The following NUP210 variants were observed in gnomAD, a reference collection of about 807,000 sequenced individuals.
NUP210 encodes nuclear pore membrane glycoprotein 210.
A neutral mutation model predicts 196.0 loss-of-function variants in NUP210; 151 were observed. That is an observed-to-expected ratio of 0.77 (90% CI 0.67 to 0.88). NUP210 has a LOEUF of 0.88. Ranked by LOEUF, NUP210 falls within the 40% of genes least tolerant of loss-of-function variation. NUP210 has a pLI of 0.00. For missense variants in NUP210, 2,314 were observed against 2,493.7 expected, an observed-to-expected ratio of 0.93 and a Z score of 1.53; for synonymous variants, 1,070 against 1,052.7, an observed-to-expected ratio of 1.02 and a Z score of -0.32.
chr3:13,374,888 T>C (rs1698846820), intron 11 of NUP210, among the ~76,000 whole-genome samples: 1 of 152,232 alleles, frequency 6.6e-6, no homozygotes, highest in South Asian at 2.1e-4. Context: ...GCAGGACTGA[T>C]GTGCCCTGCA....
rs1451652778 is a variant in NUP210 at position 13,336,784 on chromosome 3, T to G, written c.3684+3A>C. ...GTGAGCTCTGGAGGGGGTGGTTACC[T>G]ACCTCGTGGTGCCGCCCTCGGAGGT... On this transcript the variant is annotated splice_donor_region_variant and intron_variant, in intron 27 of 39. Coordinates refer to ENST00000254508, the MANE Select transcript of NUP210 (RefSeq NM_024923.4). 1 of 1,612,438 alleles carries G rather than the reference T, an allele frequency of 6.2e-7. No individual in the cohort carries two copies. Among genetic ancestry groups the G allele is most frequent in the East Asian group, 2.2e-5 (1 of 44,806 alleles).
chr3:13,360,217 A>AT (rs1256558364), intron 15 of NUP210, 53 bp downstream of exon 15: 2 of 1,466,352 alleles, frequency 1.4e-6, no homozygotes, highest in African/African-American at 2.8e-5. Context: ...TGAGAGAGTC[A>AT]TTTTCCACCC....
Position 13,336,815 on chromosome 3 carries a change from A to G in NUP210, c.3656T>C (p.Val1219Ala), listed in dbSNP as rs768406053. 4 of 1,613,754 alleles carry G rather than the reference A, an allele frequency of 2.5e-6. No individual in the cohort carries two copies. Among genetic ancestry groups the G allele is most frequent in the Non-Finnish European group, 3.4e-6 (4 of 1,179,836 alleles). The change falls in exon 27 of 40, where the codon GTC becomes GCC. Residue 1219 changes from valine (V) to alanine (A), a missense_variant. Physicochemically the swap from Val to Ala is moderately conservative, Grantham distance 64. Transcript: ENST00000254508. ...GTGGTGCCGCCCTCGGAGGTCCAGG[A>G]CGTCCCGCTTGGTGACAGACCAGTG... The part of the protein sequence containing the change: ...TFHWSVTKRD[V>A]LDLRGRHHEA...
chr3:13,340,486 C>T lies in NUP210; in HGVS notation c.3229-188G>A, dbSNP rs1017868154. ...GCTGTCTCCCAGCCACTGGCCGAGGCTCCCTGGTTCTCTGGGGTGTGTTCT... is the reference window on the plus strand; with the variant it reads ...GCTGTCTCCCAGCCACTGGCCGAGGTTCCCTGGTTCTCTGGGGTGTGTTCT... On this transcript the variant is annotated intron_variant, in intron 23 of 39. Coordinates refer to ENST00000254508, the MANE Select transcript of NUP210 (RefSeq NM_024923.4). The surrounding 1 kb of genome is among the most constrained non-coding windows in gnomAD (Gnocchi z 4.0). Among the ~76,000 whole-genome samples the T allele has an allele frequency of 6.6e-6, 1 of 152,144 alleles. No homozygotes were observed. The highest frequency in any genetic ancestry group is 2.4e-5 in the African/African-American group (1 of 41,448).
At position 13,319,999 on chromosome 3, in the gene NUP210, T is replaced by TG; in HGVS notation, c.5167-21dup. ...TTTCACCTGGAAGAGACATCAGAGCTGGGGGTGCACATTCTGCAGAGTGGG... is the reference window on the plus strand; with the variant it reads ...TTTCACCTGGAAGAGACATCAGAGCTGGGGGGTGCACATTCTGCAGAGTGGG... On this transcript the variant is annotated intron_variant, in intron 36 of 39. Coordinates refer to ENST00000254508, the MANE Select transcript of NUP210 (RefSeq NM_024923.4). The TG allele has an allele frequency of 6.2e-7, 1 of 1,609,912 alleles. No individual in the cohort carries two copies. Among genetic ancestry groups the TG allele is most frequent in the Non-Finnish European group, 8.5e-7 (1 of 1,178,406 alleles).
rs1251862660 is a variant in NUP210, at chr3:13,336,851, C to A, written c.3620G>T (p.Gly1207Val). ...GGTGACAGACCAGTGGAAGGTCAGG[C>A]CTGGCACGGCATTGCCAAAGGAGAA... is the stretch of plus-strand genomic sequence containing the variant. ...NPFSFGNAVP[G>V]LTFHWSVTKR... Residue 1207 changes from glycine (G) to valine (V), a missense_variant, in exon 27 of 40, where the codon GGC (glycine) becomes GTC (valine). By Grantham distance (109) the Gly-to-Val change is moderately radical. Coordinates refer to ENST00000254508, the MANE Select transcript of NUP210 (RefSeq NM_024923.4). 5 of 1,613,964 alleles carry A rather than the reference C, an allele frequency of 3.1e-6. No individual in the cohort carries two copies.
chr3:13,410,838 A>C (rs987968553), intron 1 of NUP210, among the ~76,000 whole-genome samples: 10 of 150,830 alleles, frequency 6.6e-5, no homozygotes, highest in South Asian at 4.2e-4. Flanking sequence ...GAATGGTGTG[A>C]ACCCAGGAGG....
At chr3:13,391,038 GGT>G (rs1197015460) in intron 4 of NUP210, among the ~76,000 whole-genome samples, 171 bp downstream of exon 4, 1 of 152,202 alleles carries the variant, frequency 6.6e-6, no homozygotes, top group Non-Finnish European at 1.5e-5. Context: ...CCCGCACAAT[GGT>G]GTGAGTGGAT....
rs771067727 is a variant in NUP210, at chr3:13,340,619, G to A, written c.3229-321C>T. Among the ~76,000 whole-genome samples, 28 of 152,176 alleles carry A rather than the reference G, an allele frequency of 1.8e-4. No homozygotes were observed. The highest frequency in any genetic ancestry group is 1.2e-3 in the Admixed American group (19 of 15,286). On this transcript the variant is annotated intron_variant, in intron 23 of 39. Transcript: ENST00000254508. The surrounding 1 kb of genome is among the most constrained non-coding windows in gnomAD (Gnocchi z 4.0). ...AGTTGAGCCATCCCCTTAGAGCAGC[G>A]GTTCTCAGTGTGTGGTCACTAAGCA... is the stretch of plus-strand genomic sequence containing the variant.
At position 13,330,578 on chromosome 3, in the gene NUP210, A is replaced by C. The variant is rs770564294; in HGVS notation, c.3992T>G (p.Val1331Gly). The change falls in exon 30 of 40, where the codon GTT (valine) becomes GGT (glycine). Residue 1331 changes from valine to glycine, a missense_variant. Transcript: ENST00000254508. ...AAAGCCTTTCTCATCAACATGCACA[A>C]CTGGAACCTTTTCGGGTCCATCCAG... ...RVLDGPEKVP[V>G]VHVDEKGFLA... The C allele has an allele frequency of 2.5e-6, 4 of 1,614,182 alleles. No individual in the cohort carries two copies. In the South Asian group the frequency reaches 4.4e-5, roughly 18 times the overall value.
intron 16 of NUP210, among the ~76,000 whole-genome samples, chr3:13,356,152 A>C (rs1390656862): frequency 6.6e-6 from 1 of 152,220 alleles, no homozygotes; most frequent in Non-Finnish European, 1.5e-5. Flanking sequence ...CACACGCTAG[A>C]GGACCTGCTC....
rs376078752 is a variant in NUP210 at position 13,325,838 on chromosome 3, G to T, written c.4601C>A (p.Thr1534Lys). 3 of 1,613,934 alleles carry T rather than the reference G, an allele frequency of 1.9e-6. No homozygotes were observed. The highest frequency in any genetic ancestry group is 2.5e-6 in the Non-Finnish European group (3 of 1,180,024). Residue 1534 changes from threonine to lysine, a missense_variant, in exon 33 of 40, where the codon ACG (threonine) becomes AAG (lysine). By Grantham distance (78) the Thr-to-Lys change is moderately conservative. Coordinates refer to ENST00000254508, the MANE Select transcript of NUP210 (RefSeq NM_024923.4). Reference sequence around the variant, plus strand: ...GTGCCCAGCGACCTCATAGTAAACCGTCACGGATCCCACGGCCCGGGCCAC... The same window carrying T: ...GTGCCCAGCGACCTCATAGTAAACCTTCACGGATCCCACGGCCCGGGCCAC... ...VAVARAVGSV[T>K]VYYEVAGHLR...
chr3:13,420,152 C>A lies in NUP210; in HGVS notation c.75G>T (p.Ala25=). ...VLLAAGPSAA[A]AKLNIPKVLL... ...GCACTTTGGGGATGTTGAGCTTGGC[C>A]GCAGCGGCGGAGGGGCCCGCCGCCA... The change falls in exon 1 of 40, where the codon GCG becomes GCT. Residue 25 remains alanine, a synonymous_variant. Coordinates refer to ENST00000254508, the MANE Select transcript of NUP210 (RefSeq NM_024923.4). The surrounding 1 kb of genome is among the most constrained non-coding windows in gnomAD (Gnocchi z 4.8). The A allele has an allele frequency of 7.6e-7, 1 of 1,311,616 alleles. No homozygotes were observed. The highest frequency in any genetic ancestry group is 9.9e-7 in the Non-Finnish European group (1 of 1,011,536). The allele number at this position is 1,311,616 out of a possible 1,614,324, so 81.2% of individuals were successfully genotyped here. A position where few individuals can be genotyped will look rare whatever the true frequency, so the allele number is the denominator to read the frequency against.
At chr3:13,408,475 G>A (rs1700065466) in intron 1 of NUP210, among the ~76,000 whole-genome samples, 1 of 152,118 alleles carries the variant, frequency 6.6e-6, no homozygotes, top group South Asian at 2.1e-4. Flanking sequence ...AAGGCCATCT[G>A]GGCTTACAGT....
At chr3:13,321,286 GCCACGCA>G (rs1183879416) in intron 36 of NUP210, among the ~76,000 whole-genome samples, 1 of 152,240 alleles carries the variant, frequency 6.6e-6, no homozygotes, top group African/African-American at 2.4e-5. Flanking sequence ...ATTCTGCGAT[GCCACGCA>G]CCACACGCTC....
In NUP210 at chr3:13,379,723, T is replaced by G. The variant is rs1324617682; in HGVS notation, c.818-2A>C. 9 of 1,563,446 alleles carry G rather than the reference T, an allele frequency of 5.8e-6. No individual in the cohort carries two copies. Among genetic ancestry groups the G allele is most frequent in the Non-Finnish European group, 7.8e-6 (9 of 1,154,954 alleles). The stretch of plus-strand genomic sequence containing the variant: ...ACTGATCGGAAGGCATGGAGAGTTC[T>G]GGCCACCAAGAAACAAAAAATAACA... On this transcript the variant is annotated splice_acceptor_variant, in intron 6 of 39. Coordinates refer to ENST00000254508, the MANE Select transcript of NUP210 (RefSeq NM_024923.4). LOFTEE classifies it high-confidence loss of function. The surrounding 1 kb of genome is among the most constrained non-coding windows in gnomAD (Gnocchi z 4.2).
In NUP210 at chr3:13,410,258, G is replaced by A. The variant is rs190574143; in HGVS notation, c.167+9802C>T. Among the ~76,000 whole-genome samples the A allele has an allele frequency of 1.4e-3, 208 of 151,342 alleles. 1 individual carries two copies. Among genetic ancestry groups the A allele is most frequent in the East Asian group, 4.1e-3 (21 of 5,062 alleles). On this transcript the variant is annotated intron_variant, in intron 1 of 39. Coordinates refer to ENST00000254508, the MANE Select transcript of NUP210 (RefSeq NM_024923.4). Reference sequence around the variant, plus strand: ...TGCAATGAGACAATCTCGGCTCACCGCAGCCTCCACCTCCCAGGTTCAAGT... The same window carrying A: ...TGCAATGAGACAATCTCGGCTCACCACAGCCTCCACCTCCCAGGTTCAAGT...
Position 13,383,750 on chromosome 3 carries a change from A to G in NUP210, c.817+2525T>C, listed in dbSNP as rs1009310636. The stretch of plus-strand genomic sequence containing the variant: ...CACCATGTTAGCCAGGATGGTCTCG[A>G]TTTCCTGACCTCATGATCCGCCCGC... On this transcript the variant is annotated intron_variant, in intron 6 of 39. Transcript: ENST00000254508. Among the ~76,000 whole-genome samples, 13 of 151,514 alleles carry G rather than the reference A, an allele frequency of 8.6e-5. No homozygotes were observed. The East Asian group carries it at 2.5e-3, about 30-fold the overall frequency.
rs1283244139 is a variant in NUP210 at position 13,340,672 on chromosome 3, T to C, written c.3229-374A>G. ...AATGTCAGCAGCGCCTGGGGACACA[T>C]TAGCAATGTACAGCCCCAGCCACCT... On this transcript the variant is annotated intron_variant, in intron 23 of 39. Coordinates refer to ENST00000254508, the MANE Select transcript of NUP210 (RefSeq NM_024923.4). This position sits in a 1 kb window ranked among gnomAD's most constrained non-coding sequence, Gnocchi z 4.0. 6.6e-6 allele frequency among the ~76,000 whole-genome samples: 1 copy of C among 152,092 alleles called. No individual in the cohort carries two copies. The highest frequency in any genetic ancestry group is 2.4e-5 in the African/African-American group (1 of 41,432).
Sources: allele counts gnomAD v4.1 joint callset (sites outside exome capture counted in the v4.1 genomes callset), GRCh38; gene constraint gnomAD v4.1.1; non-coding constraint Gnocchi (gnomAD v3.1); transcripts MANE v1.5; gene names NCBI Gene and HGNC (gene_info 2026-07-23, HGNC 2026-07-21).